VPS53: variants seen among roughly 807,000 people sequenced by gnomAD.
VPS53 encodes VPS53 subunit of GARP complex, also known as vacuolar protein sorting-associated protein 53 homolog.
Under a neutral mutation model 107.0 loss-of-function variants are expected in VPS53, and 70 were observed. The ratio of observed to expected loss-of-function variants is 0.65; its 90% CI spans 0.54 to 0.80. VPS53 has a LOEUF of 0.80. VPS53 is among the 30% of genes least tolerant of loss of function. The pLI is 0.00. For missense variants in VPS53, 917 were observed against 1,049.4 expected (o/e 0.87, Z 1.74); for synonymous variants, 409 against 393.3 (o/e 1.04, Z -0.47).
chr17:686,259 A>G (rs1157484898), intron 4 of VPS53, among the ~76,000 whole-genome samples: 1 of 152,154 alleles, frequency 6.6e-6, no homozygotes, highest in East Asian at 1.9e-4. Context: ...GTTCAAGGCT[A>G]GAGTGAGCTA....
intron 12 of VPS53, 25 bp from the exon 13 acceptor site, chr17:586,389 C>A (rs1026425903): frequency 6.2e-7 from 1 of 1,602,826 alleles, no homozygotes; most frequent in Non-Finnish European, 8.5e-7. Flanking sequence ...AAAAATAAAC[C>A]CCATACTTGA....
chr17:704,290 T>C (rs1415765833), intron 2 of VPS53, among the ~76,000 whole-genome samples: 3 of 152,140 alleles, frequency 2.0e-5, no homozygotes, highest in Non-Finnish European at 4.4e-5. Context: ...GGTGAAATAG[T>C]AAGAGGCATC....
At chr17:527,403 C>T (rs920861560) in intron 19 of VPS53, among the ~76,000 whole-genome samples, 1 of 152,140 alleles carries the variant, frequency 6.6e-6, no homozygotes, top group African/African-American at 2.4e-5. Context: ...TGTGAACATT[C>T]GTGCGCATGC....
At chr17:614,230 G>T (rs1969033195) in intron 11 of VPS53, among the ~76,000 whole-genome samples, 1 of 152,086 alleles carries the variant, frequency 6.6e-6, no homozygotes, top group African/African-American at 2.4e-5. Context: ...AAAACCAACT[G>T]AACTGTATAC....
At chr17:700,762 C>T (rs1973167236) in intron 2 of VPS53, among the ~76,000 whole-genome samples, 5 of 152,122 alleles carry the variant, frequency 3.3e-5, no homozygotes, top group Admixed American at 2.0e-4. Flanking sequence ...TTTCAAAATA[C>T]AATTTAATAA....
At position 637,166 on chromosome 17, in the gene VPS53, A is replaced by G. The variant is rs541883114; in HGVS notation, c.609-5538T>C. Among the ~76,000 whole-genome samples, 21 of 152,264 alleles carry G rather than the reference A, an allele frequency of 1.4e-4. No homozygotes were observed. The South Asian group carries it at 3.9e-3, about 29-fold the overall frequency. ...CTTGGGAGGGTGTATGTGTCCAGGAATTTATCCATTTCTTCTAGATTTTGT... is the reference window on the plus strand; with the variant it reads ...CTTGGGAGGGTGTATGTGTCCAGGAGTTTATCCATTTCTTCTAGATTTTGT... On this transcript the variant is annotated intron_variant, in intron 7 of 21. Transcript: ENST00000437048.
At chr17:644,927 C>T (rs1970624487) in intron 7 of VPS53, among the ~76,000 whole-genome samples, 1 of 152,260 alleles carries the variant, frequency 6.6e-6, no homozygotes, top group South Asian at 2.1e-4. Flanking sequence ...TTAACCTACA[C>T]AAAATTATTG....
At chr17:666,842 C>T (rs1018219387) in intron 4 of VPS53, among the ~76,000 whole-genome samples, 2 of 152,132 alleles carry the variant, frequency 1.3e-5, no homozygotes, top group Non-Finnish European at 2.9e-5. Flanking sequence ...TTGCTTGAAC[C>T]CAGGAAACGG....
intron 11 of VPS53, among the ~76,000 whole-genome samples, chr17:622,147 G>T (rs977686763): frequency 3.9e-5 from 6 of 152,092 alleles, no homozygotes; most frequent in Admixed American, 6.5e-5. Context: ...GGGAGGCAGA[G>T]GTTGCAGTGG....
At chr17:643,166 C>T (rs1292072502) in intron 7 of VPS53, among the ~76,000 whole-genome samples, 1 of 94,582 alleles carries the variant, frequency 1.1e-5, no homozygotes, top group Non-Finnish European at 2.4e-5. Context: ...GCGAGGACAA[C>T]ACTCATACTT....
Position 580,562 on chromosome 17 carries a change from T to C in VPS53, c.1313+5708A>G, listed in dbSNP as rs148967249. ...GAACCTCCCTCAGAACCTCAGTGCA[T>C]TGCCAGAGAACCTCCCTCAGGACCT... On this transcript the variant is annotated intron_variant, in intron 13 of 21. Transcript: ENST00000437048. Among the ~76,000 whole-genome samples, 78 of 150,516 alleles carry C rather than the reference T, an allele frequency of 5.2e-4. 1 individual carries two copies. The highest frequency in any genetic ancestry group is 1.5e-3 in the Admixed American group (22 of 15,166).
chr17:551,881 G>T lies in VPS53; in HGVS notation c.1857C>A (p.Ala619=). ...LDAACDPALT[A]MSKMQWQNVE... ...TTTCCCAAGACCTTACCTTGCTCATGGCAGTCAGGGCAGGATCACAGGCAG... is the reference window on the plus strand; with the variant it reads ...TTTCCCAAGACCTTACCTTGCTCATTGCAGTCAGGGCAGGATCACAGGCAG... The change falls in exon 17 of 22, where the codon GCC becomes GCA. Residue 619 remains alanine, a synonymous_variant. Coordinates refer to ENST00000437048, the MANE Select transcript of VPS53 (RefSeq NM_001128159.3). 1 of 1,602,304 alleles carries T rather than the reference G, an allele frequency of 6.2e-7. No homozygotes were observed.
chr17:608,935 C>T (rs1968712085), intron 11 of VPS53, among the ~76,000 whole-genome samples: 1 of 151,432 alleles, frequency 6.6e-6, no homozygotes, highest in Admixed American at 6.6e-5. Context: ...TTTTTTTTGA[C>T]AGAATATTTA....
chr17:635,113 T>C (rs993936681), intron 7 of VPS53, among the ~76,000 whole-genome samples: 9 of 152,214 alleles, frequency 5.9e-5, no homozygotes, highest in African/African-American at 1.2e-4. Context: ...TGGTATCTCA[T>C]TGTGGTTTTG....
intron 10 of VPS53, among the ~76,000 whole-genome samples, chr17:624,198 A>G (rs186829558): frequency 1.4e-4 from 22 of 152,208 alleles, no homozygotes; most frequent in African/African-American, 5.1e-4. Flanking sequence ...GAACAGTTTA[A>G]TAATTGGATA....
intron 12 of VPS53, among the ~76,000 whole-genome samples, chr17:595,192 C>G (rs1967896904): frequency 1.1e-5 from 1 of 94,124 alleles, no homozygotes; most frequent in Non-Finnish European, 2.3e-5. Flanking sequence ...CTGGAGGAAG[C>G]TGGGAGATGG....
At position 679,119 on chromosome 17, in the gene VPS53, T is replaced by G. The variant is rs569506194; in HGVS notation, c.286-17224A>C. Among the ~76,000 whole-genome samples, 4 of 152,166 alleles carry G rather than the reference T, an allele frequency of 2.6e-5. 1 individual carries two copies. The South Asian group carries it at 8.3e-4, about 32-fold the overall frequency. ...AACTGAAACAGGAAAAGAGGAGAACTGACAAATATATCCAAGTGCAAGTCC... is the reference window on the plus strand; with the variant it reads ...AACTGAAACAGGAAAAGAGGAGAACGGACAAATATATCCAAGTGCAAGTCC... On this transcript the variant is annotated intron_variant, in intron 4 of 21. Transcript: ENST00000437048.
chr17:699,222 C>T (rs1368341985), intron 3 of VPS53, 109 bp downstream of exon 3: 3 of 793,704 alleles, frequency 3.8e-6, no homozygotes, highest in Middle Eastern at 2.6e-4. Context: ...CCATCTATGG[C>T]AAACTTGAGA....
intron 11 of VPS53, among the ~76,000 whole-genome samples, chr17:611,319 G>C (rs1968862352): frequency 6.6e-6 from 1 of 152,144 alleles, no homozygotes; most frequent in Admixed American, 6.6e-5. Context: ...CAGCTGAATA[G>C]ACATTTCTTT....
Sources: allele counts gnomAD v4.1 joint callset (sites outside exome capture counted in the v4.1 genomes callset), GRCh38; gene constraint gnomAD v4.1.1; transcripts MANE v1.5; gene names NCBI Gene and HGNC (gene_info 2026-07-23, HGNC 2026-07-21).